GDA: variants seen among roughly 807,000 people sequenced by gnomAD.
GDA encodes guanine deaminase, also known as cytoplasmic PSD-95 interactor.
In GDA, 18 loss-of-function variants were observed where a neutral mutation model predicts 59.6. The ratio of observed to expected loss-of-function variants is 0.30; its 90% CI spans 0.21 to 0.45. The LOEUF (loss-of-function observed/expected upper bound fraction) is 0.45, where lower values mean the gene tolerates loss of function less well. GDA is among the 20% of genes least tolerant of loss of function. The probability of loss-of-function intolerance (pLI) is 1.00; values close to 1 mark genes in which losing one functional copy is unlikely to be tolerated. For synonymous variants in GDA, 201 were observed against 201.1 expected, an observed-to-expected ratio of 1.00 and a Z score of 0.00; for missense variants, 427 against 552.3, an observed-to-expected ratio of 0.77 and a Z score of 2.27.
At chr9:72,241,888 T>G (rs1184927287) in intron 11 of GDA, among the ~76,000 whole-genome samples, 1 of 152,156 alleles carries the variant, frequency 6.6e-6, no homozygotes, top group African/African-American at 2.4e-5. Context: ...AGTGAGACCT[T>G]GTCTCCAAAT....
intron 1 of GDA, among the ~76,000 whole-genome samples, chr9:72,126,107 G>T (rs1047196873): frequency 6.6e-6 from 1 of 151,932 alleles, no homozygotes; most frequent in African/African-American, 2.4e-5. Context: ...TAGTACAGAC[G>T]GGGTTTCACC....
At chr9:72,241,720 C>T (rs1354864978) in intron 11 of GDA, among the ~76,000 whole-genome samples, 7 of 151,924 alleles carry the variant, frequency 4.6e-5, no homozygotes, top group Admixed American at 1.3e-4. Context: ...GACAAAACCC[C>T]GTCTCTACAA....
At chr9:72,225,599 C>A in intron 7 of GDA, 78 bp from the exon 8 acceptor site, 1 of 707,676 alleles carries the variant, frequency 1.4e-6, no homozygotes, top group Non-Finnish European at 2.4e-6. Flanking sequence ...AAACCATTCA[C>A]ACCATTTTGA....
chr9:72,170,160 C>T (rs376652171), intron 1 of GDA, among the ~76,000 whole-genome samples: 2 of 152,266 alleles, frequency 1.3e-5, no homozygotes, highest in African/African-American at 2.4e-5. Flanking sequence ...GAATTAGACC[C>T]GCAGATTTGA....
intron 1 of GDA, among the ~76,000 whole-genome samples, chr9:72,115,314 T>C (rs1825399215): frequency 6.6e-6 from 1 of 152,202 alleles, no homozygotes. Flanking sequence ...TCCAATGATA[T>C]ACGGATTTCT....
At chr9:72,203,027 T>C (rs1834203351) in intron 3 of GDA, among the ~76,000 whole-genome samples, 3 of 152,238 alleles carry the variant, frequency 2.0e-5, no homozygotes, top group African/African-American at 7.2e-5. Flanking sequence ...CTGGGTTTAA[T>C]GAATATGTGT....
intron 1 of GDA, among the ~76,000 whole-genome samples, chr9:72,126,118 A>T (rs1025930036): frequency 6.6e-6 from 1 of 152,068 alleles, no homozygotes; most frequent in African/African-American, 2.4e-5. Context: ...GGGTTTCACC[A>T]TGTTGGCCAG....
intron 13 of GDA, 84 bp downstream of exon 13, chr9:72,247,517 C>G: frequency 1.3e-6 from 1 of 752,408 alleles, no homozygotes; most frequent in Non-Finnish European, 2.3e-6. Flanking sequence ...TGTATTTATC[C>G]TACCATATAT....
chr9:72,128,698 A>G (rs1424858631), intron 1 of GDA, among the ~76,000 whole-genome samples: 1 of 152,228 alleles, frequency 6.6e-6, no homozygotes, highest in African/African-American at 2.4e-5. Flanking sequence ...AAACCATCAC[A>G]GTAGTCCTGT....
chr9:72,114,704 TA>T (rs1373822233), exon 1 of GDA: 2 of 152,082 alleles, frequency 1.3e-5, no homozygotes, highest in African/African-American at 4.8e-5. Flanking sequence ...AATCCAGGCT[TA>T]GGGGTACAAA....
chr9:72,149,219 G>A, upstream of GDA: 1 of 312,174 alleles, frequency 3.2e-6, no homozygotes, highest in Non-Finnish European at 6.0e-6. Flanking sequence ...ACTCATAGAA[G>A]GTGGAGGAAG....
At chr9:72,136,378 T>C (rs1826225274) in intron 1 of GDA, among the ~76,000 whole-genome samples, 2 of 152,224 alleles carry the variant, frequency 1.3e-5, no homozygotes, top group Non-Finnish European at 2.9e-5. Flanking sequence ...TGTGATTATG[T>C]GAAATTCAAT....
intron 1 of GDA, among the ~76,000 whole-genome samples, chr9:72,130,670 TA>T (rs1343440244): frequency 1.3e-5 from 2 of 152,188 alleles, no homozygotes; most frequent in African/African-American, 4.8e-5. Context: ...TTGAGGTGGC[TA>T]AAGAGTTACA....
At chr9:72,230,502 AT>A (rs55928582) in intron 9 of GDA, among the ~76,000 whole-genome samples, 36,332 of 136,748 alleles carry the variant, frequency 0.27, 4,991 homozygotes, top group East Asian at 0.5. Context: ...AAAAAAAAAA[AT>A]ATATATATAT....
chr9:72,247,069 G>T (rs1332117737), intron 12 of GDA, among the ~76,000 whole-genome samples: 1 of 152,144 alleles, frequency 6.6e-6, no homozygotes, highest in Non-Finnish European at 1.5e-5. Flanking sequence ...CAGGTTGGAT[G>T]AGCTTGTCTT....
chr9:72,133,302 A>ATAATAATAAT (rs747825485), intron 1 of GDA, among the ~76,000 whole-genome samples: 18 of 137,792 alleles, frequency 1.3e-4, no homozygotes, highest in East Asian at 1.3e-3. Context: ...AAAAAAAAAA[A>ATAATAATAAT]AAAAAAAATA....
chr9:72,241,390 G>A (rs1254650169), intron 11 of GDA, 92 bp downstream of exon 11: 7 of 936,324 alleles, frequency 7.5e-6, no homozygotes, highest in African/African-American at 3.2e-5. Flanking sequence ...TTGGTATTAG[G>A]AAAATCCAAT....
intron 1 of GDA, among the ~76,000 whole-genome samples, chr9:72,137,247 T>TC (rs1198037269): frequency 1.8e-3 from 222 of 126,718 alleles, no homozygotes; most frequent in African/African-American, 5.7e-3. Flanking sequence ...TTTTTCTTTT[T>TC]TTTTTTTTTT....
intron 1 of GDA, chr9:72,194,009 C>T (rs1832866355): frequency 1.3e-5 from 2 of 152,274 alleles, no homozygotes; most frequent in Admixed American, 1.3e-4. Context: ...TGAATTCTGC[C>T]TGGCCTGGGA....
Sources: allele counts gnomAD v4.1 joint callset (sites outside exome capture counted in the v4.1 genomes callset), GRCh38; gene constraint gnomAD v4.1.1; transcripts MANE v1.5; gene names NCBI Gene and HGNC (gene_info 2026-07-23, HGNC 2026-07-21).